The following GRIN2B variants were observed in gnomAD, a reference collection of about 807,000 sequenced individuals.
GRIN2B encodes the protein glutamate ionotropic receptor NMDA type subunit 2B.
A neutral mutation model predicts 114.5 loss-of-function variants in GRIN2B; 5 were observed. The observed-to-expected ratio is 0.04, with a 90% CI of 0.02 to 0.09. The LOEUF (loss-of-function observed/expected upper bound fraction) is 0.09. Among genes scored for constraint, GRIN2B ranks in the 10% least tolerant of loss-of-function variants. GRIN2B has a pLI of 1.00. For synonymous variants in GRIN2B, 787 were observed against 745.1 expected, an observed-to-expected ratio of 1.06 and a Z score of -0.92; for missense variants, 1,108 against 1,943.5, an observed-to-expected ratio of 0.57 and a Z score of 8.08.
chr12:13,713,362 C>T (rs1277553832), intron 4 of GRIN2B, among the ~76,000 whole-genome samples: 11 of 151,796 alleles, frequency 7.2e-5, no homozygotes. Context: ...GAACACTGAC[C>T]TTAGTGGCTT....
At chr12:13,663,354 C>T (rs1279416362) in intron 5 of GRIN2B, among the ~76,000 whole-genome samples, 3 of 152,124 alleles carry the variant, frequency 2.0e-5, no homozygotes, top group Non-Finnish European at 4.4e-5. Flanking sequence ...ATTGGCAATT[C>T]TTTAAGATCA....
chr12:13,627,005 G>A (rs563021386), intron 5 of GRIN2B, among the ~76,000 whole-genome samples: 4 of 151,860 alleles, frequency 2.6e-5, no homozygotes, highest in Non-Finnish European at 5.9e-5. Context: ...TCGAATCCTC[G>A]GGATTTTTGG....
At chr12:13,969,296 C>T (rs1345485) in intron 2 of GRIN2B, among the ~76,000 whole-genome samples, 140,295 of 152,310 alleles carry the variant, frequency 0.92, 65,376 homozygotes, top group Non-Finnish European at 0.99. Context: ...ATGAGTTCCC[C>T]ACATGCAACA....
chr12:13,956,722 C>A (rs1867599102), intron 2 of GRIN2B, among the ~76,000 whole-genome samples: 1 of 152,212 alleles, frequency 6.6e-6, no homozygotes, highest in Admixed American at 6.5e-5. Flanking sequence ...TTCCATTTCC[C>A]TGTAAACATA....
intron 3 of GRIN2B, among the ~76,000 whole-genome samples, chr12:13,858,720 A>G (rs946302627): frequency 1.3e-5 from 2 of 152,122 alleles, no homozygotes; most frequent in African/African-American, 2.4e-5. Flanking sequence ...TGATTCAAAC[A>G]CTATTTTATT....
intron 2 of GRIN2B, among the ~76,000 whole-genome samples, chr12:13,904,982 C>T (rs918026411): frequency 6.6e-6 from 1 of 151,982 alleles, no homozygotes; most frequent in African/African-American, 2.4e-5. Flanking sequence ...GCTTATTGGG[C>T]CTTTTGAATC....
intron 10 of GRIN2B, among the ~76,000 whole-genome samples, chr12:13,595,993 T>C (rs1003597546): frequency 1.3e-5 from 2 of 151,486 alleles, no homozygotes; most frequent in Admixed American, 1.3e-4. Flanking sequence ...TGTGAGTTAA[T>C]AACCTTGTGT....
intron 2 of GRIN2B, among the ~76,000 whole-genome samples, chr12:13,891,782 A>C (rs1285954185): frequency 1.3e-5 from 2 of 152,170 alleles, no homozygotes; most frequent in African/African-American, 2.4e-5. Context: ...CACCATTATG[A>C]TCACCATCGT....
chr12:13,708,612 G>GT (rs1441271575), intron 4 of GRIN2B, among the ~76,000 whole-genome samples: 1 of 151,930 alleles, frequency 6.6e-6, no homozygotes, highest in East Asian at 1.9e-4. Flanking sequence ...AATTTGTGGG[G>GT]TTTTTTGAGC....
rs1308223334 is a variant in GRIN2B, at chr12:13,543,591, CTCATAA to C, written c.*19186_*19191del. The C allele has an allele frequency of 5.3e-5, 8 of 152,202 alleles. No homozygotes were observed. The highest frequency in any genetic ancestry group is 1.9e-4 in the African/African-American group (8 of 41,446). The allele number at this position is 152,202 out of a possible 1,614,324, so 9.4% of individuals were successfully genotyped here. ...ACTGAAGAAAACAAATTTCTTTAAA[CTCATAA>C]TCATAAAAACTCAAATAATTCCTTT... On this transcript the variant is annotated 3_prime_UTR_variant, in exon 14 of 14. Transcript: ENST00000609686.
chr12:13,941,514 G>C (rs937024040), intron 2 of GRIN2B, among the ~76,000 whole-genome samples: 2 of 152,196 alleles, frequency 1.3e-5, no homozygotes, highest in African/African-American at 4.8e-5. Flanking sequence ...TTCTGAGTCT[G>C]AGGTGTAAAA....
intron 2 of GRIN2B, among the ~76,000 whole-genome samples, chr12:13,907,209 G>A (rs1466103597): frequency 1.3e-5 from 2 of 152,104 alleles, no homozygotes; most frequent in Non-Finnish European, 2.9e-5. Context: ...GCCTCCAGAG[G>A]GCCGGGCGTG....
Position 13,846,366 on chromosome 12 carries a change from C to G in GRIN2B, c.411+19432G>C, listed in dbSNP as rs538869819. 3.9e-5 allele frequency among the ~76,000 whole-genome samples: 6 copies of G among 152,338 alleles called. No homozygotes were observed. In the South Asian group the frequency reaches 1.2e-3, roughly 32 times the overall value. The stretch of plus-strand genomic sequence containing the variant: ...TTTTTAAAAATATTAGCCCTACTCT[C>G]TTTCCTTCTATTTCAAATATTGGTG... On this transcript the variant is annotated intron_variant, in intron 3 of 13. Transcript: ENST00000609686.
chr12:13,856,537 C>G (rs969825752), intron 3 of GRIN2B, among the ~76,000 whole-genome samples: 2 of 152,236 alleles, frequency 1.3e-5, no homozygotes. Context: ...GGTCCCGTTA[C>G]TGTCGGAGGG....
At chr12:13,801,987 C>T (rs894470188) in intron 3 of GRIN2B, among the ~76,000 whole-genome samples, 1 of 152,006 alleles carries the variant, frequency 6.6e-6, no homozygotes, top group South Asian at 2.1e-4. Context: ...TTGTTTGGTA[C>T]CCCTCCATTC....
intron 4 of GRIN2B, among the ~76,000 whole-genome samples, chr12:13,680,331 A>G (rs562625920): frequency 1.3e-5 from 2 of 152,188 alleles, no homozygotes; most frequent in African/African-American, 4.8e-5. Context: ...TTTCTCTCCA[A>G]ACATGTCATC....
rs1948521572 is a variant in GRIN2B at position 13,559,961 on chromosome 12, G to A, written c.*2822C>T. On this transcript the variant is annotated 3_prime_UTR_variant, in exon 14 of 14. Coordinates refer to ENST00000609686, the MANE Select transcript of GRIN2B (RefSeq NM_000834.5). ...CTTAATTCTGTTTAAGCCCTTTTGG[G>A]AATCTTTCCTACCCTAGGTACTGAC... 1.3e-5 allele frequency: 2 copies of A among 152,156 alleles called. No individual in the cohort carries two copies. The highest frequency in any genetic ancestry group is 4.8e-5 in the African/African-American group (2 of 41,420). The allele number at this position is 152,156 out of a possible 1,614,324, so 9.4% of individuals were successfully genotyped here.
chr12:13,977,940 G>A (rs749966929), intron 2 of GRIN2B, among the ~76,000 whole-genome samples: 21 of 151,522 alleles, frequency 1.4e-4, no homozygotes, highest in South Asian at 6.3e-4. Context: ...TTTCAACCTC[G>A]CCTAGTCTTA....
chr12:13,910,230 G>T (rs1866607336), intron 2 of GRIN2B, among the ~76,000 whole-genome samples: 1 of 152,068 alleles, frequency 6.6e-6, no homozygotes, highest in Non-Finnish European at 1.5e-5. Context: ...TGAATATGTT[G>T]TGTGCGCCCT....
Sources: gnomAD v4.1 joint callset for allele counts (sites outside exome capture counted in the v4.1 genomes callset) on GRCh38, gnomAD v4.1.1 for gene constraint, MANE v1.5 for transcripts, NCBI Gene and HGNC (gene_info 2026-07-23, HGNC 2026-07-21) for gene names.